The following PPP2R2B variants were observed in gnomAD, a reference collection of about 807,000 sequenced individuals.
PPP2R2B encodes serine/threonine-protein phosphatase 2A 55 kDa regulatory subunit B beta isoform.
Under a neutral mutation model 46.0 loss-of-function variants are expected in PPP2R2B, and 5 were observed. That is an observed-to-expected ratio of 0.11 (90% CI 0.06 to 0.23). PPP2R2B has a LOEUF of 0.23. Ranked by LOEUF, PPP2R2B falls within the 10% of genes least tolerant of loss-of-function variation. PPP2R2B has a pLI of 1.00. For synonymous variants in PPP2R2B, 215 were observed against 206.7 expected (o/e 1.04, Z -0.34); for missense variants, 367 against 575.0 (o/e 0.64, Z 3.70).
At chr5:146,964,088 C>A (rs1384937442) in intron 1 of PPP2R2B, among the ~76,000 whole-genome samples, 1 of 152,180 alleles carries the variant, frequency 6.6e-6, no homozygotes, top group Non-Finnish European at 1.5e-5. Flanking sequence ...GATAGTTTTG[C>A]CTTGTCCATT....
intron 2 of PPP2R2B, among the ~76,000 whole-genome samples, chr5:147,080,430 C>T (rs995656423): frequency 2.0e-5 from 3 of 152,160 alleles, no homozygotes; most frequent in African/African-American, 7.2e-5. Flanking sequence ...TGCCTATCAT[C>T]CAGTGTTTTG....
intron 1 of PPP2R2B, among the ~76,000 whole-genome samples, chr5:147,014,791 G>A (rs894809084): frequency 1.3e-4 from 19 of 151,710 alleles, no homozygotes; most frequent in Non-Finnish European, 2.2e-4. Context: ...GCTAGATGAC[G>A]AGTTAGTGGG....
intron 2 of PPP2R2B, among the ~76,000 whole-genome samples, chr5:146,783,332 G>A (rs1298850969): frequency 6.6e-6 from 1 of 152,138 alleles, no homozygotes; most frequent in African/African-American, 2.4e-5. Context: ...TTCTGCATAA[G>A]TTACAGTGTG....
intron 2 of PPP2R2B, among the ~76,000 whole-genome samples, chr5:146,847,564 A>C (rs1251629898): frequency 6.6e-6 from 1 of 152,158 alleles, no homozygotes; most frequent in African/African-American, 2.4e-5. Flanking sequence ...GGAACCCACC[A>C]CAGGGCTTGT....
At chr5:146,873,567 GA>G (rs565718012) in intron 2 of PPP2R2B, among the ~76,000 whole-genome samples, 1 of 151,690 alleles carries the variant, frequency 6.6e-6, no homozygotes, top group Non-Finnish European at 1.5e-5. Flanking sequence ...CTGCAAAGTG[GA>G]AAAAAAATTA....
intron 1 of PPP2R2B, among the ~76,000 whole-genome samples, chr5:147,006,373 C>A (rs1561571654): frequency 6.6e-6 from 1 of 152,134 alleles, no homozygotes; most frequent in Non-Finnish European, 1.5e-5. Context: ...TAATTGGAAT[C>A]CCAAACTTAC....
intron 1 of PPP2R2B, among the ~76,000 whole-genome samples, chr5:146,933,913 T>G (rs1582454175): frequency 1.3e-5 from 2 of 148,410 alleles, no homozygotes; most frequent in African/African-American, 4.9e-5. Flanking sequence ...TTCCCACCTA[T>G]GAGTGAGAAC....
chr5:146,713,642 G>A (rs185162637), intron 2 of PPP2R2B, among the ~76,000 whole-genome samples: 121 of 152,262 alleles, frequency 7.9e-4, no homozygotes, highest in Non-Finnish European at 1.3e-3. Context: ...GTAGGCTGTG[G>A]AGGTGAAGAG....
intron 2 of PPP2R2B, among the ~76,000 whole-genome samples, chr5:146,761,216 T>C (rs1754144374): frequency 6.6e-6 from 1 of 152,190 alleles, no homozygotes; most frequent in Non-Finnish European, 1.5e-5. Flanking sequence ...CATGCACATG[T>C]ATGTTTATTG....
chr5:146,721,738 CTCAT>C (rs991454871), intron 2 of PPP2R2B, among the ~76,000 whole-genome samples: 1 of 152,214 alleles, frequency 6.6e-6, no homozygotes. Flanking sequence ...GCACTTTGCT[CTCAT>C]TCACTCAACA....
At chr5:147,060,940 T>C (rs544884962), upstream of PPP2R2B, among the ~76,000 whole-genome samples, 206 of 152,270 alleles carry the variant, frequency 1.4e-3, 2 homozygotes, top group African/African-American at 4.9e-3. Flanking sequence ...TTGAGCTGAA[T>C]TGAGTTGAAC....
chr5:146,637,475 C>T (rs1453059250), intron 7 of PPP2R2B, among the ~76,000 whole-genome samples: 1 of 152,164 alleles, frequency 6.6e-6, no homozygotes, highest in African/African-American at 2.4e-5. Flanking sequence ...AAATGCTTAT[C>T]TATATTATAG....
chr5:146,816,446 A>G (rs926195996), intron 2 of PPP2R2B, among the ~76,000 whole-genome samples: 11 of 152,232 alleles, frequency 7.2e-5, no homozygotes, highest in African/African-American at 2.7e-4. Context: ...AATATATGAC[A>G]ATAGAAATTT....
At chr5:146,729,271 A>T (rs1422335750) in intron 2 of PPP2R2B, among the ~76,000 whole-genome samples, 1 of 152,162 alleles carries the variant, frequency 6.6e-6, no homozygotes, top group East Asian at 1.9e-4. Context: ...CTTGAGAGAG[A>T]TGATTTAGGG....
chr5:146,789,634 C>T (rs1756063572), intron 2 of PPP2R2B, among the ~76,000 whole-genome samples: 1 of 152,024 alleles, frequency 6.6e-6, no homozygotes, highest in South Asian at 2.1e-4. Flanking sequence ...TCCCTGCCCT[C>T]AAGGAGAGAG....
chr5:147,057,556 C>A (rs1377068853), upstream of PPP2R2B, among the ~76,000 whole-genome samples: 1 of 152,158 alleles, frequency 6.6e-6, no homozygotes, highest in Non-Finnish European at 1.5e-5. Flanking sequence ...ACACTGCAAA[C>A]CTCAGTTTCT....
chr5:146,774,500 C>T (rs1256834163), intron 2 of PPP2R2B, among the ~76,000 whole-genome samples: 1 of 150,492 alleles, frequency 6.6e-6, no homozygotes, highest in Non-Finnish European at 1.5e-5. Flanking sequence ...ACTGAGTTTA[C>T]AGAAAAAAAA....
At chr5:147,075,238 C>A (rs1289339511) in intron 2 of PPP2R2B, among the ~76,000 whole-genome samples, 4 of 152,060 alleles carry the variant, frequency 2.6e-5, no homozygotes, top group African/African-American at 9.7e-5. Context: ...GCCTGCTAAG[C>A]AAATCAAATA....
chr5:146,732,463 C>T (rs1752290709), intron 2 of PPP2R2B, among the ~76,000 whole-genome samples: 1 of 152,134 alleles, frequency 6.6e-6, no homozygotes. Context: ...TTTGGAATTT[C>T]CACAGTGACT....
Sources: allele counts gnomAD v4.1 joint callset (sites outside exome capture counted in the v4.1 genomes callset), GRCh38; gene constraint gnomAD v4.1.1; transcripts MANE v1.5; gene names NCBI Gene and HGNC (gene_info 2026-07-23, HGNC 2026-07-21).